The following GRIP2 variants were observed in gnomAD, a reference collection of about 807,000 sequenced individuals.
GRIP2 encodes the protein glutamate receptor interacting protein 2.
Under a neutral mutation model 108.3 loss-of-function variants are expected in GRIP2, and 58 were observed. That is an observed-to-expected ratio of 0.54 (90% CI 0.43 to 0.67). GRIP2 has a LOEUF of 0.67. Among genes scored for constraint, GRIP2 ranks in the 30% least tolerant of loss-of-function variants. The pLI, the probability that GRIP2 is intolerant of heterozygous loss-of-function variation, is 0.00. For synonymous variants in GRIP2, 586 were observed against 598.2 expected (o/e 0.98, Z 0.30); for missense variants, 1,278 against 1,430.6 (o/e 0.89, Z 1.72).
the GRIP2 span, among the ~76,000 whole-genome samples, chr3:14,582,723 G>A: frequency 0.017 from 2,573 of 152,268 alleles, 86 homozygotes; most frequent in African/African-American, 0.058. Context: ...AGTCTTCTCC[G>A]AGCATCTCAG....
chr3:14,583,652 C>T, the GRIP2 span, among the ~76,000 whole-genome samples: 19 of 152,242 alleles, frequency 1.2e-4, no homozygotes, highest in African/African-American at 4.6e-4. Context: ...GAATAATCAG[C>T]TCATTAACCC....
the GRIP2 span, among the ~76,000 whole-genome samples, chr3:14,586,174 G>A: frequency 6.6e-6 from 1 of 152,120 alleles, no homozygotes; most frequent in Non-Finnish European, 1.5e-5. Context: ...CCACACAAAT[G>A]TCACCTCCTC....
At chr3:14,586,024 C>G in the GRIP2 span, among the ~76,000 whole-genome samples, 1 of 152,212 alleles carries the variant, frequency 6.6e-6, no homozygotes, top group African/African-American at 2.4e-5. Flanking sequence ...CCATTTCACT[C>G]TCCGGCTTTC....
In GRIP2 at chr3:14,493,829, G is replaced by C; in HGVS notation, c.2971-3C>G. 6.2e-7 allele frequency: 1 copy of C among 1,609,942 alleles called. No homozygotes were observed. The highest frequency in any genetic ancestry group is 8.5e-7 in the Non-Finnish European group (1 of 1,177,198). On this transcript the variant is annotated splice_region_variant and splice_polypyrimidine_tract_variant and intron_variant, in intron 23 of 23. Coordinates refer to ENST00000621039, the MANE Select transcript of GRIP2 (RefSeq NM_001080423.4). ...TCCCGTGTACGGACGTGGTTGACCT[G>C]CATGGGGCACAAGCAAGGGAACAGA...
rs767821067 is a variant in GRIP2 at position 14,503,575 on chromosome 3, C to T, written c.2670G>A (p.Arg890=). 1.1e-5 allele frequency: 17 copies of T among 1,609,534 alleles called. No individual in the cohort carries two copies. The South Asian group carries it at 1.7e-4, about 16-fold the overall frequency. Residue 890 remains arginine, a synonymous_variant, in exon 21 of 24, where the codon AGG becomes AGA. Coordinates refer to ENST00000621039, the MANE Select transcript of GRIP2 (RefSeq NM_001080423.4). The part of the protein sequence containing the change: ...LESCGQSELL[R]ELEASIMTGT... The stretch of plus-strand genomic sequence containing the variant: ...GGGCAGGCAGCCATACCTCCAGTTC[C>T]CTCAGCAGCTCTGACTGACCACATG...
chr3:14,556,568 T>G (rs1431028879), upstream of GRIP2, among the ~76,000 whole-genome samples: 5 of 152,178 alleles, frequency 3.3e-5, no homozygotes, highest in Admixed American at 2.0e-4. Context: ...AACATCACAC[T>G]GGGCATGTGA....
At chr3:14,548,418 T>C (rs1695090340) in intron 1 of GRIP2, among the ~76,000 whole-genome samples, 1 of 152,064 alleles carries the variant, frequency 6.6e-6, no homozygotes, top group Non-Finnish European at 1.5e-5. Flanking sequence ...TCAGAAGCAG[T>C]GCACGGACCT....
chr3:14,589,469 T>C, the GRIP2 span, among the ~76,000 whole-genome samples: 1 of 152,290 alleles, frequency 6.6e-6, no homozygotes, highest in African/African-American at 2.4e-5. Context: ...TTCAAGGATG[T>C]GTTTTGAGAT....
At chr3:14,508,461 G>T (rs1171221089) in intron 17 of GRIP2, among the ~76,000 whole-genome samples, 2 of 152,234 alleles carry the variant, frequency 1.3e-5, no homozygotes, top group Non-Finnish European at 2.9e-5. Flanking sequence ...GAGCCAGGTG[G>T]AGGAAAAGGA....
At chr3:14,568,427 G>A in the GRIP2 span, among the ~76,000 whole-genome samples, 7 of 152,208 alleles carry the variant, frequency 4.6e-5, no homozygotes, top group African/African-American at 1.7e-4. Context: ...TCACTTTACA[G>A]AGGAGGAACC....
At position 14,493,868 on chromosome 3, in the gene GRIP2, C is replaced by T. The variant is rs185778574; in HGVS notation, c.2971-42G>A. 51 of 1,582,176 alleles carry T rather than the reference C, an allele frequency of 3.2e-5. No individual in the cohort carries two copies. In the African/African-American group the frequency reaches 5.9e-4, roughly 18 times the overall value. On this transcript the variant is annotated intron_variant, in intron 23 of 23. Transcript: ENST00000621039. ...CAAGGGAACAGAACCGAGATGTCAG[C>T]CCTGCTGCGCTGAAGGGAGCAAGAG... is the stretch of plus-strand genomic sequence containing the variant.
intron 1 of GRIP2, among the ~76,000 whole-genome samples, chr3:14,539,275 C>A (rs151113901): frequency 6.6e-6 from 1 of 152,138 alleles, no homozygotes; most frequent in Non-Finnish European, 1.5e-5. Flanking sequence ...AGGAAGCTCT[C>A]GACAACAGCC....
In GRIP2 at chr3:14,538,098, C is replaced by A. The variant is rs58262043; in HGVS notation, c.40+2171G>T. 8.8e-3 allele frequency among the ~76,000 whole-genome samples: 1,339 copies of A among 152,228 alleles called. 16 individuals are homozygous for A. The highest frequency in any genetic ancestry group is 0.03 in the African/African-American group (1,233 of 41,526). On this transcript the variant is annotated intron_variant, in intron 1 of 23. Coordinates refer to ENST00000621039, the MANE Select transcript of GRIP2 (RefSeq NM_001080423.4). ...GTGTGGGGCCTGAGAAGGGACCCAC[C>A]CAGAGTCCATCAGGAGCAGAGAAAG...
Position 14,495,080 on chromosome 3 carries a change from C to T in GRIP2, c.2824-91G>A, listed in dbSNP as rs1003540928. On this transcript the variant is annotated intron_variant, in intron 22 of 23. Transcript: ENST00000621039. ...CCAGGTCCTTTGGTCTGGCATTCAG[C>T]GCCTCTGGCCAGCCACACCCCCCAG... 2.4e-4 allele frequency: 358 copies of T among 1,506,954 alleles called. 1 individual carries two copies. The highest frequency in any genetic ancestry group is 1.2e-4 in the Non-Finnish European group (134 of 1,110,720). 93.3% of individuals were successfully genotyped at this position (1,506,954 alleles called of 1,614,324 possible). A position where few individuals can be genotyped will look rare whatever the true frequency, so the allele number is the denominator to read the frequency against.
Position 14,509,864 on chromosome 3 carries a change from GTCAA to G in GRIP2, c.2030_2033del (p.Phe677SerfsTer39). 6.5e-7 allele frequency: 1 copy of G among 1,541,900 alleles called. No homozygotes were observed. On this transcript the variant is annotated frameshift_variant, in exon 17 of 24. Coordinates refer to ENST00000621039, the MANE Select transcript of GRIP2 (RefSeq NM_001080423.4). LOFTEE classifies it high-confidence loss of function. ...TGGTGAGGCCTGAGATGACAATGGG[GTCAA>G]AAGGTTCCTCCGTGCCCGAAATGGT... is the stretch of plus-strand genomic sequence containing the variant.
intron 21 of GRIP2, among the ~76,000 whole-genome samples, chr3:14,498,643 T>C (rs1412493962): frequency 6.6e-6 from 1 of 152,112 alleles, no homozygotes; most frequent in Non-Finnish European, 1.5e-5. Context: ...CATTTTGGGA[T>C]AATAAGAGTT....
chr3:14,505,604 CCACCA>C lies in GRIP2; in HGVS notation c.2573+6_2573+10del. ...GACTCCCTCCTCCTTCACGGTGCTC[CCACCA>C]CAGACCTCGTTGGCGGCTCCCAATC... On this transcript the variant is annotated splice_donor_region_variant and intron_variant, in intron 20 of 23. Coordinates refer to ENST00000621039, the MANE Select transcript of GRIP2 (RefSeq NM_001080423.4). The surrounding 1 kb of genome is among the most constrained non-coding windows in gnomAD (Gnocchi z 4.2). 6.2e-7 allele frequency: 1 copy of C among 1,607,316 alleles called. No homozygotes were observed. The highest frequency in any genetic ancestry group is 8.5e-7 in the Non-Finnish European group (1 of 1,176,882).
chr3:14,544,664 G>A (rs1226487582), upstream of GRIP2, among the ~76,000 whole-genome samples: 1 of 152,166 alleles, frequency 6.6e-6, no homozygotes, highest in Admixed American at 6.5e-5. Flanking sequence ...GCTGTCCGTT[G>A]CTTCTTCCTC....
the GRIP2 span, chr3:14,574,007 G>A: frequency 1.6e-6 from 2 of 1,287,754 alleles, no homozygotes; most frequent in South Asian, 1.2e-5. Context: ...TGGCACCCAG[G>A]TGGATGAGGG....
Sources: gnomAD v4.1 joint callset for allele counts (sites outside exome capture counted in the v4.1 genomes callset) on GRCh38, gnomAD v4.1.1 for gene constraint, Gnocchi (gnomAD v3.1) non-coding constraint, MANE v1.5 for transcripts, NCBI Gene and HGNC (gene_info 2026-07-23, HGNC 2026-07-21) for gene names.